PRKG1: variants seen among roughly 807,000 people sequenced by gnomAD.
PRKG1 encodes the protein protein kinase cGMP-dependent 1.
A neutral mutation model predicts 88.1 loss-of-function variants in PRKG1; 35 were observed. That is an observed-to-expected ratio of 0.40 (90% CI 0.30 to 0.53). The LOEUF (loss-of-function observed/expected upper bound fraction) is 0.53. Ranked by LOEUF, PRKG1 falls within the 20% of genes least tolerant of loss-of-function variation. The pLI is 0.59. For synonymous variants in PRKG1, 303 were observed against 292.5 expected, an observed-to-expected ratio of 1.04 and a Z score of -0.37; for missense variants, 540 against 839.8, an observed-to-expected ratio of 0.64 and a Z score of 4.41.
At chr10:52,034,942 T>G (rs932591663) in intron 5 of PRKG1, among the ~76,000 whole-genome samples, 4 of 152,162 alleles carry the variant, frequency 2.6e-5, no homozygotes, top group Admixed American at 2.0e-4. Context: ...GTCCAGTCCT[T>G]TTTAAGTTGG....
intron 2 of PRKG1, among the ~76,000 whole-genome samples, chr10:51,460,188 TA>T (rs1839709369): frequency 6.6e-6 from 1 of 152,050 alleles, no homozygotes; most frequent in African/African-American, 2.4e-5. Context: ...AATGTACCCT[TA>T]GGGGTAAAAT....
At chr10:52,209,751 C>G (rs192791035) in intron 9 of PRKG1, among the ~76,000 whole-genome samples, 1 of 152,038 alleles carries the variant, frequency 6.6e-6, no homozygotes, top group Non-Finnish European at 1.5e-5. Context: ...CCCTCATCAC[C>G]CATCTCAAAT....
chr10:51,895,397 T>G (rs546378313), intron 4 of PRKG1, among the ~76,000 whole-genome samples: 15 of 152,246 alleles, frequency 9.9e-5, no homozygotes, highest in Non-Finnish European at 1.9e-4. Flanking sequence ...ACCTTGGGAT[T>G]TCTTGCCCAC....
chr10:51,237,994 A>G (rs1839042376), intron 2 of PRKG1, among the ~76,000 whole-genome samples: 1 of 152,182 alleles, frequency 6.6e-6, no homozygotes, highest in Non-Finnish European at 1.5e-5. Flanking sequence ...CTATGTGGAA[A>G]TGGTAAGATT....
intron 3 of PRKG1, among the ~76,000 whole-genome samples, chr10:51,574,447 T>C (rs1589096986): frequency 6.6e-6 from 1 of 151,646 alleles, no homozygotes; most frequent in Non-Finnish European, 1.5e-5. Context: ...GGAGGGGAGG[T>C]ATGAAGGAGA....
At chr10:51,022,434 T>C (rs1461635110) in intron 1 of PRKG1, among the ~76,000 whole-genome samples, 1 of 152,238 alleles carries the variant, frequency 6.6e-6, no homozygotes, top group Non-Finnish European at 1.5e-5. Flanking sequence ...TGCTGATTTC[T>C]CTTTCCTTCC....
At chr10:51,041,544 A>G (rs1843422870) in intron 1 of PRKG1, among the ~76,000 whole-genome samples, 1 of 151,868 alleles carries the variant, frequency 6.6e-6, no homozygotes, top group Admixed American at 6.6e-5. Flanking sequence ...CAGGTGATGG[A>G]TACTGCCAGG....
At chr10:51,936,896 A>G (rs944254080) in intron 5 of PRKG1, among the ~76,000 whole-genome samples, 3 of 152,042 alleles carry the variant, frequency 2.0e-5, no homozygotes, top group African/African-American at 4.8e-5. Flanking sequence ...AATTCTTACA[A>G]ACTTTTTAGA....
Position 51,138,686 on chromosome 10 carries a change from T to G in PRKG1, c.312-14478T>G, listed in dbSNP as rs1221556992. On this transcript the variant is annotated intron_variant, in intron 1 of 17. Transcript: ENST00000373980. Reference sequence around the variant, plus strand: ...GGACATTGAGTTTTGTTTTTTTTTTTTTTTTTTTTTTTTTTGAGACAGAGT... The same window carrying G: ...GGACATTGAGTTTTGTTTTTTTTTTGTTTTTTTTTTTTTTTGAGACAGAGT... 6.9e-5 allele frequency among the ~76,000 whole-genome samples: 9 copies of G among 130,744 alleles called. No individual in the cohort carries two copies. The East Asian group carries it at 7.1e-4, about 10-fold the overall frequency. The allele number at this position is 130,744 out of a possible 152,430, so 85.8% of individuals were successfully genotyped here. A position where few individuals can be genotyped will look rare whatever the true frequency, so the allele number is the denominator to read the frequency against.
At chr10:52,190,840 G>A (rs577692136) in intron 9 of PRKG1, among the ~76,000 whole-genome samples, 30 of 151,976 alleles carry the variant, frequency 2.0e-4, no homozygotes, top group African/African-American at 6.8e-4. Context: ...CTGCTTTGTC[G>A]AGTTCTTTAA....
At chr10:51,012,470 A>G (rs1017777996) in intron 1 of PRKG1, among the ~76,000 whole-genome samples, 6 of 152,226 alleles carry the variant, frequency 3.9e-5, no homozygotes, top group Non-Finnish European at 7.3e-5. Flanking sequence ...AAAGAGTTCC[A>G]TACCAGTCTA....
At chr10:51,776,367 A>T (rs1589277351) in intron 3 of PRKG1, among the ~76,000 whole-genome samples, 1 of 152,296 alleles carries the variant, frequency 6.6e-6, no homozygotes, top group East Asian at 1.9e-4. Flanking sequence ...AATCTAATAG[A>T]TAGCTACAAA....
chr10:51,587,786 T>C (rs1176710566), intron 3 of PRKG1, among the ~76,000 whole-genome samples: 2 of 152,212 alleles, frequency 1.3e-5, no homozygotes, highest in African/African-American at 4.8e-5. Flanking sequence ...TCAAAGTATC[T>C]CTGAGCCTCA....
intron 3 of PRKG1, among the ~76,000 whole-genome samples, chr10:51,644,811 A>G (rs1168458637): frequency 6.6e-6 from 1 of 151,958 alleles, no homozygotes; most frequent in East Asian, 1.9e-4. Context: ...CTTGAGACCA[A>G]GTCTCACTCT....
intron 2 of PRKG1, among the ~76,000 whole-genome samples, chr10:51,166,715 G>A (rs1846553182): frequency 6.6e-6 from 1 of 152,122 alleles, no homozygotes; most frequent in African/African-American, 2.4e-5. Context: ...TTTTCTTCAT[G>A]TTGAGTAACC....
chr10:51,331,383 G>T (rs1012045579), intron 2 of PRKG1, among the ~76,000 whole-genome samples: 19 of 152,152 alleles, frequency 1.2e-4, no homozygotes, highest in African/African-American at 4.6e-4. Context: ...CTCATCTGGT[G>T]CCAGAGTGTT....
At chr10:52,244,502 T>A (rs2132385284) in intron 9 of PRKG1, among the ~76,000 whole-genome samples, 1 of 141,746 alleles carries the variant, frequency 7.1e-6, no homozygotes, top group Non-Finnish European at 1.6e-5. Flanking sequence ...GACATGTATC[T>A]CCTAACATTT....
At chr10:51,528,575 A>C (rs1841938781) in intron 3 of PRKG1, among the ~76,000 whole-genome samples, 1 of 151,802 alleles carries the variant, frequency 6.6e-6, no homozygotes, top group Non-Finnish European at 1.5e-5. Flanking sequence ...GTACAGCAAA[A>C]AAAAAAAACA....
At chr10:51,683,954 C>T (rs757867646) in intron 3 of PRKG1, among the ~76,000 whole-genome samples, 1 of 152,110 alleles carries the variant, frequency 6.6e-6, no homozygotes, top group Non-Finnish European at 1.5e-5. Context: ...ATAGTTTGGT[C>T]GTTTTGGAAA....
Sources: allele counts gnomAD v4.1 joint callset (sites outside exome capture counted in the v4.1 genomes callset), GRCh38; gene constraint gnomAD v4.1.1; transcripts MANE v1.5; gene names NCBI Gene and HGNC (gene_info 2026-07-23, HGNC 2026-07-21).